HNRNPH1: variants seen among roughly 807,000 people sequenced by gnomAD.
HNRNPH1 encodes heterogeneous nuclear ribonucleoprotein H1, also known as heterogeneous nuclear ribonucleoprotein H.
Under a neutral mutation model 58.6 loss-of-function variants are expected in HNRNPH1, and 4 were observed. The ratio of observed to expected loss-of-function variants is 0.07; its 90% CI spans 0.03 to 0.16. The LOEUF (loss-of-function observed/expected upper bound fraction) is 0.16, where lower values mean the gene tolerates loss of function less well. Ranked by LOEUF, HNRNPH1 falls within the 10% of genes least tolerant of loss-of-function variation. HNRNPH1 has a pLI of 1.00. For missense variants in HNRNPH1, 271 were observed against 564.2 expected, an observed-to-expected ratio of 0.48 and a Z score of 5.26; for synonymous variants, 192 against 189.2, an observed-to-expected ratio of 1.01 and a Z score of -0.12.
exon 1 of HNRNPH1, chr5:179,623,342 G>A (rs1275221924): frequency 1.0e-5 from 4 of 396,896 alleles, no homozygotes; most frequent in Non-Finnish European, 1.9e-5. Context: ...CTGAGCAACA[G>A]CTGTCGGCGC....
At chr5:179,632,013 A>AT (rs1252392136) in intron 2 of HNRNPH1, among the ~76,000 whole-genome samples, 10 of 152,142 alleles carry the variant, frequency 6.6e-5, no homozygotes, top group African/African-American at 2.4e-4. Flanking sequence ...AGACTTAAGA[A>AT]AAGGGCGTCT....
intron 11 of HNRNPH1, 22 bp downstream of exon 12, chr5:179,616,104 T>C (rs1036925702): frequency 1.9e-6 from 3 of 1,579,302 alleles, no homozygotes; most frequent in Non-Finnish European, 2.6e-6. Context: ...TTACTCTAAG[T>C]ACAGTAACAA....
chr5:179,621,565 A>C (rs1427356573), intron 1 of HNRNPH1, 168 bp from the exon 3 acceptor site: 5 of 601,004 alleles, frequency 8.3e-6, no homozygotes, highest in Non-Finnish European at 1.5e-5. Context: ...AAAAAAAAAC[A>C]AACTCATTCC....
intron 2 of HNRNPH1, among the ~76,000 whole-genome samples, chr5:179,630,385 A>T (rs78795758): frequency 2.6e-5 from 4 of 152,118 alleles, no homozygotes; most frequent in Non-Finnish European, 4.4e-5. Context: ...AGAAAAAGAA[A>T]AGAAAATATG....
At chr5:179,615,454 T>TAC in intron 12 of HNRNPH1, 92 bp downstream of exon 13, 1 of 672,738 alleles carries the variant, frequency 1.5e-6, no homozygotes, top group South Asian at 2.1e-5. Flanking sequence ...CTCCATGGAG[T>TAC]TAAGTCAGAG....
intron 1 of HNRNPH1, 84 bp downstream of exon 2, chr5:179,622,928 GCCCGGCCCGGCCCGGCCCGCCCCGC>G (rs1390788676): frequency 1.6e-5 from 2 of 128,556 alleles, no homozygotes; most frequent in African/African-American, 3.1e-5. Flanking sequence ...GTCCCACCCG[GCCCGGCCCGGCCCGGCCCGCCCCGC>G]CCCGCCCCGC....
At chr5:179,617,139 T>C (rs770411544) in intron 8 of HNRNPH1, 29 bp from the exon 10 acceptor site, 2 of 1,602,432 alleles carry the variant, frequency 1.2e-6, no homozygotes, top group Non-Finnish European at 1.7e-6. Context: ...AGTTTGAAAA[T>C]GTTTGTTGGT....
chr5:179,618,073 G>A lies in HNRNPH1; in HGVS notation c.716-13C>T, dbSNP rs763050290. 5 of 1,613,704 alleles carry A rather than the reference G, an allele frequency of 3.1e-6. No individual in the cohort carries two copies. The highest frequency in any genetic ancestry group is 1.1e-5 in the South Asian group (1 of 91,072). The stretch of plus-strand genomic sequence containing the variant: ...TAGCCTCCATAGCCTGAAAGACAAA[G>A]TACAATCAATCAAATAAAACACCTA... On this transcript the variant is annotated splice_polypyrimidine_tract_variant and intron_variant, in intron 5 of 12. Coordinates refer to ENST00000356731, the Ensembl canonical transcript of HNRNPH1.
At chr5:179,615,185 G>T in intron 12 of HNRNPH1, 2 of 460,896 alleles carry the variant, frequency 4.3e-6, no homozygotes, top group East Asian at 3.3e-5. Flanking sequence ...CATTTTAACG[G>T]ATTCTTCAGG....
upstream of HNRNPH1, chr5:179,624,685 A>G (rs1774190139): frequency 1.0e-5 from 4 of 398,102 alleles, no homozygotes; most frequent in South Asian, 5.2e-4. Context: ...AAAACCTAAG[A>G]TGCCGTAGCC....
At chr5:179,620,338 C>G (rs935934634) in intron 3 of HNRNPH1, among the ~76,000 whole-genome samples, 1 of 152,192 alleles carries the variant, frequency 6.6e-6, no homozygotes, top group Non-Finnish European at 1.5e-5. Context: ...TTTCAAAACA[C>G]TTATTTCAGA....
upstream of HNRNPH1, chr5:179,629,124 C>CT (rs1774631100): frequency 2.0e-5 from 3 of 149,078 alleles, no homozygotes; most frequent in Middle Eastern, 3.6e-3. Flanking sequence ...AGTGAAACCC[C>CT]GTCTCTACTA....
chr5:179,621,521 G>T (rs776660434), intron 1 of HNRNPH1, 124 bp from the exon 3 acceptor site: 1 of 736,024 alleles, frequency 1.4e-6, no homozygotes, highest in Non-Finnish European at 2.2e-6. Context: ...TATATATACT[G>T]ACCACGATAT....
upstream of HNRNPH1, among the ~76,000 whole-genome samples, chr5:179,627,491 C>A (rs942545102): frequency 1.1e-5 from 1 of 89,968 alleles, no homozygotes; most frequent in African/African-American, 4.0e-5. Flanking sequence ...CCATGATGCT[C>A]GGCCCTGATT....
At chr5:179,625,494 A>C (rs1032012473), upstream of HNRNPH1, among the ~76,000 whole-genome samples, 1 of 150,418 alleles carries the variant, frequency 6.6e-6, no homozygotes, top group Admixed American at 6.6e-5. Flanking sequence ...TCTCAAAAAA[A>C]AAAAAAAAAA....
chr5:179,615,575 A>C (rs1318460434), exon 12 of HNRNPH1: 1 of 1,570,122 alleles, frequency 6.4e-7, no homozygotes, highest in Non-Finnish European at 8.7e-7. Context: ...AAATCACTGG[A>C]GTTTTCCTGT....
At chr5:179,615,193 A>G in intron 12 of HNRNPH1, 1 of 453,864 alleles carries the variant, frequency 2.2e-6, no homozygotes, top group Non-Finnish European at 3.9e-6. Flanking sequence ...CGGATTCTTC[A>G]GGATCAACAT....
At chr5:179,616,897 A>G in exon 10 of HNRNPH1, 1 of 1,614,170 alleles carries the variant, frequency 6.2e-7, no homozygotes, top group Non-Finnish European at 8.5e-7. Flanking sequence ...TCATTTGGCT[A>G]CCATAAGCAC....
At chr5:179,620,640 G>A (rs1423634108) in intron 3 of HNRNPH1, 19 of 416,456 alleles carry the variant, frequency 4.6e-5, no homozygotes, top group Non-Finnish European at 3.9e-5. Flanking sequence ...AAGCTGTTGA[G>A]GGCAATCCTC....
Sources: allele counts gnomAD v4.1 joint callset (sites outside exome capture counted in the v4.1 genomes callset), GRCh38; gene constraint gnomAD v4.1.1; transcripts MANE v1.5; gene names NCBI Gene and HGNC (gene_info 2026-07-23, HGNC 2026-07-21).